Variants in RRBP1 observed in about 807,000 individuals in gnomAD.
The protein encoded by RRBP1 is ribosome binding protein 1.
A neutral mutation model predicts 165.2 loss-of-function variants in RRBP1; 94 were observed. The ratio of observed to expected loss-of-function variants is 0.57; its 90% CI spans 0.48 to 0.68. RRBP1 has a LOEUF of 0.68. RRBP1 is among the 30% of genes least tolerant of loss of function. The pLI is 0.00. For synonymous variants in RRBP1, 680 were observed against 714.5 expected, an observed-to-expected ratio of 0.95 and a Z score of 0.77; for missense variants, 1,676 against 1,763.0, an observed-to-expected ratio of 0.95 and a Z score of 0.88.
rs775753071 is a variant in RRBP1, at chr20:17,627,396, CA to C, written c.2929-15del. 3.1e-6 allele frequency: 5 copies of C among 1,613,984 alleles called. No individual in the cohort carries two copies. The South Asian group carries it at 5.5e-5, about 18-fold the overall frequency. ...CGCCTGGCTGGCCTGGAATGAGAGA[CA>C]AAAGCTCCTTGGTCTCCAGGAGACT... On this transcript the variant is annotated splice_polypyrimidine_tract_variant and intron_variant, in intron 10 of 24. Transcript: ENST00000377813.
rs529117158 is a variant in RRBP1, at chr20:17,673,142, T to C, written c.-22+6857A>G. Among the ~76,000 whole-genome samples the C allele has an allele frequency of 7.2e-5, 11 of 152,374 alleles. 1 individual carries two copies. The highest frequency in any genetic ancestry group is 2.4e-4 in the African/African-American group (10 of 41,580). The stretch of plus-strand genomic sequence containing the variant: ...TTTTACTTTAATAAAGAGTTTAAAA[T>C]GTGTGTCATATTTCCTTGGAAAACG... On this transcript the variant is annotated intron_variant, in intron 2 of 24. Coordinates refer to ENST00000377813, the MANE Select transcript of RRBP1 (RefSeq NM_001365613.2).
chr20:17,654,013 G>A lies in RRBP1; in HGVS notation c.1912+4583C>T, dbSNP rs559085831. Reference sequence around the variant, plus strand: ...CACAGTTAAACAGTAATGCACAAACGCATTTTTGTCTGTTTTGGTTTGATA... The same window carrying A: ...CACAGTTAAACAGTAATGCACAAACACATTTTTGTCTGTTTTGGTTTGATA... On this transcript the variant is annotated intron_variant, in intron 3 of 24. Coordinates refer to ENST00000377813, the MANE Select transcript of RRBP1 (RefSeq NM_001365613.2). 7.9e-5 allele frequency among the ~76,000 whole-genome samples: 12 copies of A among 152,214 alleles called. No individual in the cohort carries two copies. In the South Asian group the frequency reaches 2.1e-3, roughly 26 times the overall value.
At chr20:17,616,703 G>A (rs765850400) in intron 21 of RRBP1, 29 bp downstream of exon 21, 11 of 1,451,352 alleles carry the variant, frequency 7.6e-6, no homozygotes, top group Middle Eastern at 1.8e-4. Context: ...GATTAGTGAT[G>A]TGTCTGGGGA....
At chr20:17,647,867 C>T (rs369537628) in intron 3 of RRBP1, among the ~76,000 whole-genome samples, 97 of 152,338 alleles carry the variant, frequency 6.4e-4, no homozygotes, top group African/African-American at 2.3e-3. Context: ...CAGACCAAGG[C>T]ACCCAGCATG....
In RRBP1 at chr20:17,660,013, C is replaced by A. The variant is rs138315161; in HGVS notation, c.495G>T (p.Ser165=). The change falls in exon 3 of 25, where the codon TCG becomes TCT. Residue 165 remains serine (S), a synonymous_variant. Transcript: ENST00000377813. ...GAGCAGTTTCCAAGATGGCAGCCTT[C>A]GAAGTGAGAACCTGGATGGAATTCA... The part of the protein sequence containing the change: ...SVVNSIQVLT[S]KAAILETAPK... 6.2e-7 allele frequency: 1 copy of A among 1,612,564 alleles called. No homozygotes were observed.
At chr20:17,661,033 CTT>C (rs11467807) in intron 2 of RRBP1, among the ~76,000 whole-genome samples, 18,104 of 152,076 alleles carry the variant, frequency 0.12, 1,380 homozygotes, top group Middle Eastern at 0.24. Flanking sequence ...AGGCCAGACA[CTT>C]TTAAAAAATT....
chr20:17,670,574 T>TCC (rs1444969908), intron 2 of RRBP1, among the ~76,000 whole-genome samples: 1 of 152,214 alleles, frequency 6.6e-6, no homozygotes, highest in East Asian at 1.9e-4. Context: ...TTATCCTTGT[T>TCC]CCAGCCTCTC....
At chr20:17,678,289 A>T (rs571760577) in intron 2 of RRBP1, among the ~76,000 whole-genome samples, 2 of 152,362 alleles carry the variant, frequency 1.3e-5, no homozygotes, top group Non-Finnish European at 2.9e-5. Context: ...CTTACAAGCC[A>T]TCACTTTCTA....
At chr20:17,614,677 C>T in intron 24 of RRBP1, 60 bp downstream of exon 24, 2 of 1,595,004 alleles carry the variant, frequency 1.3e-6, no homozygotes, top group Non-Finnish European at 1.7e-6. Flanking sequence ...CCCGGTCCTG[C>T]CTCCCCGGGG....
intron 9 of RRBP1, among the ~76,000 whole-genome samples, chr20:17,628,367 G>A (rs192014791): frequency 6.9e-4 from 105 of 152,272 alleles, no homozygotes; most frequent in African/African-American, 2.4e-3. Context: ...AAGCCTACGA[G>A]CCCACACCCG....
chr20:17,658,691 T>C lies in RRBP1; in HGVS notation c.1817A>G (p.Gln606Arg), dbSNP rs774569261. ...CTGGGCCACATCTGTATTTCTGCCC[T>C]GGACAGAAGCTGACTCTGTCTTTTT... ...QGKKTESASV[Q>R]GRNTDVAQSP... Residue 606 changes from glutamine to arginine, a missense_variant, in exon 3 of 25, where the codon CAG (glutamine) becomes CGG (arginine). This residue lies in a region of RRBP1 where 1,184 missense variants were observed against 1,167.1 expected (regional missense o/e 1.01). Transcript: ENST00000377813. 1.1e-5 allele frequency: 18 copies of C among 1,614,272 alleles called. No individual in the cohort carries two copies. The highest frequency in any genetic ancestry group is 1.5e-5 in the Non-Finnish European group (18 of 1,180,044).
chr20:17,681,085 G>A (rs2037173463), intron 1 of RRBP1, among the ~76,000 whole-genome samples: 1 of 151,770 alleles, frequency 6.6e-6, no homozygotes, highest in Non-Finnish European at 1.5e-5. Flanking sequence ...GGGCGCAGCG[G>A]GAGAGCCGGC....
chr20:17,614,224 T>C lies in RRBP1; in HGVS notation c.4195-4A>G. On this transcript the variant is annotated splice_region_variant and splice_polypyrimidine_tract_variant and intron_variant, in intron 24 of 24. Transcript: ENST00000377813. ...CCTTTGAGCTGCTGCCGTCCTCCTG[T>C]GAACGAAGGCAGGTGGCGTGAGGGG... The C allele has an allele frequency of 6.2e-7, 1 of 1,613,364 alleles. No individual in the cohort carries two copies. The highest frequency in any genetic ancestry group is 1.1e-5 in the South Asian group (1 of 91,086).
chr20:17,649,339 G>C (rs1410499616), intron 3 of RRBP1, among the ~76,000 whole-genome samples: 1 of 152,360 alleles, frequency 6.6e-6, no homozygotes, highest in East Asian at 1.9e-4. Context: ...CACACCGGCC[G>C]CTCTGCCATC....
chr20:17,663,867 T>C (rs1339133444), intron 2 of RRBP1, among the ~76,000 whole-genome samples: 1 of 152,202 alleles, frequency 6.6e-6, no homozygotes, highest in Non-Finnish European at 1.5e-5. Context: ...CCATACCTTG[T>C]AGGGTCTGAC....
chr20:17,636,762 A>G (rs1568766703), intron 5 of RRBP1, 33 bp from the exon 6 acceptor site: 3 of 1,610,854 alleles, frequency 1.9e-6, no homozygotes, highest in Non-Finnish European at 2.5e-6. Flanking sequence ...AGGGGCTGGT[A>G]AGCCTTGCAG....
chr20:17,667,174 G>A (rs146850121), intron 2 of RRBP1, among the ~76,000 whole-genome samples: 16 of 152,296 alleles, frequency 1.1e-4, no homozygotes, highest in African/African-American at 3.8e-4. Flanking sequence ...TTTGTGTACA[G>A]GTAGGGTTTT....
chr20:17,629,568 C>A (rs2036106220), intron 9 of RRBP1, among the ~76,000 whole-genome samples: 1 of 151,636 alleles, frequency 6.6e-6, no homozygotes, highest in Non-Finnish European at 1.5e-5. Flanking sequence ...CCACTTCTAG[C>A]CCCTGTAGGT....
intron 2 of RRBP1, among the ~76,000 whole-genome samples, chr20:17,664,310 T>A (rs1301572198): frequency 1.3e-5 from 2 of 152,214 alleles, no homozygotes; most frequent in African/African-American, 4.8e-5. Context: ...GGCAAGACGC[T>A]ACTCAGAATG....
Sources: allele counts gnomAD v4.1 joint callset (sites outside exome capture counted in the v4.1 genomes callset), GRCh38; gene constraint gnomAD v4.1.1; regional missense constraint gnomAD v4.1.1; transcripts MANE v1.5; gene names NCBI Gene and HGNC (gene_info 2026-07-23, HGNC 2026-07-21).